Variants in KLRD1 observed in about 807,000 individuals in gnomAD.
The protein encoded by KLRD1 is natural killer cells antigen CD94.
KLRD1 carries 21 observed loss-of-function variants against 22.6 expected under a neutral mutation model. The observed-to-expected ratio is 0.93, with a 90% CI of 0.66 to 1.34. KLRD1 has a LOEUF of 1.34. Among genes scored for constraint, KLRD1 ranks in the 40% most tolerant of loss-of-function variants. The probability of loss-of-function intolerance (pLI) is 0.00; values close to 1 mark genes in which losing one functional copy is unlikely to be tolerated. For synonymous variants in KLRD1, 59 were observed against 71.1 expected (o/e 0.83, Z 0.85); for missense variants, 183 against 208.6 (o/e 0.88, Z 0.76).
upstream of KLRD1, among the ~76,000 whole-genome samples, chr12:10,305,779 G>A (rs554526766): frequency 2.0e-5 from 3 of 152,320 alleles, no homozygotes; most frequent in South Asian, 6.2e-4. Flanking sequence ...GGACATAGGC[G>A]AGGCAATGAT....
intron 1 of KLRD1, among the ~76,000 whole-genome samples, chr12:10,268,998 T>C (rs76448083): frequency 0.068 from 10,308 of 152,192 alleles, 402 homozygotes; most frequent in East Asian, 0.17. Context: ...AGGAATATTG[T>C]CCTAAAATAT....
intron 1 of KLRD1, among the ~76,000 whole-genome samples, chr12:10,239,506 C>T (rs28538114): frequency 6.7e-5 from 6 of 89,362 alleles, no homozygotes; most frequent in East Asian, 3.8e-4. Flanking sequence ...CCTTCCTTCC[C>T]TCCTTCCCTC....
At chr12:10,286,774 G>A (rs1278853914) in intron 1 of KLRD1, among the ~76,000 whole-genome samples, 1 of 139,292 alleles carries the variant, frequency 7.2e-6, no homozygotes, top group Non-Finnish European at 1.5e-5. Flanking sequence ...CTCCCAAAGT[G>A]TTGGAATTAC....
At chr12:10,270,454 A>G (rs1306108080) in intron 1 of KLRD1, among the ~76,000 whole-genome samples, 1 of 152,174 alleles carries the variant, frequency 6.6e-6, no homozygotes, top group East Asian at 1.9e-4. Context: ...CGGTTCAAAA[A>G]GAGAGAAGTT....
At position 10,255,776 on chromosome 12, in the gene KLRD1, C is replaced by T. The variant is rs138414166; in HGVS notation, c.-101+29543C>T. Among the ~76,000 whole-genome samples the T allele has an allele frequency of 2.5e-3, 373 of 152,224 alleles. 1 individual carries two copies. The highest frequency in any genetic ancestry group is 8.6e-3 in the African/African-American group (358 of 41,524). The stretch of plus-strand genomic sequence containing the variant: ...ATATAGTCTGTCCTGAAGAATTCTC[C>T]ATGTGCACTTCAAAAAAATGTATAT... On this transcript the variant is annotated intron_variant, in intron 1 of 5. Coordinates refer to the KLRD1 transcript ENST00000544747.
intron 1 of KLRD1, among the ~76,000 whole-genome samples, chr12:10,242,883 C>T (rs980411433): frequency 3.3e-5 from 5 of 152,128 alleles, no homozygotes; most frequent in Admixed American, 3.3e-4. Flanking sequence ...TGGAAGCAAT[C>T]TAAGTGTTCA....
At chr12:10,254,431 CAA>C (rs71300165) in intron 1 of KLRD1, among the ~76,000 whole-genome samples, 15,723 of 86,114 alleles carry the variant, frequency 0.18, 825 homozygotes, top group Middle Eastern at 0.27. Flanking sequence ...CACTCCGTCT[CAA>C]AAAAAAAAAA....
intron 1 of KLRD1, among the ~76,000 whole-genome samples, chr12:10,293,225 T>A (rs1188557060): frequency 7.8e-6 from 1 of 128,196 alleles, no homozygotes. Context: ...TTTCTTCAAG[T>A]ACTCTTTCTT....
At chr12:10,263,224 A>G (rs1242750509) in intron 1 of KLRD1, among the ~76,000 whole-genome samples, 1 of 152,034 alleles carries the variant, frequency 6.6e-6, no homozygotes, top group Non-Finnish European at 1.5e-5. Flanking sequence ...AAACACCCCC[A>G]AAGCATACCT....
rs1339150823 is a variant in KLRD1, at chr12:10,326,486, G to C, written c.*11693G>C. The C allele has an allele frequency of 6.6e-6, 1 of 152,204 alleles. No homozygotes were observed. The highest frequency in any genetic ancestry group is 1.9e-4 in the East Asian group (1 of 5,192). The allele number at this position is 152,204 out of a possible 1,614,324, so 9.4% of individuals were successfully genotyped here. On this transcript the variant is annotated 3_prime_UTR_variant, in exon 6 of 6. Coordinates refer to ENST00000336164, the MANE Select transcript of KLRD1 (RefSeq NM_002262.5). ...AATCAACATATGTAAAATGAACAGT[G>C]GTTTGGTCTAGAAAGGTGGGACAAT...
At position 10,243,632 on chromosome 12, in the gene KLRD1, A is replaced by C. The variant is rs1273266238; in HGVS notation, c.-101+17399A>C. On this transcript the variant is annotated intron_variant, in intron 1 of 5. Transcript: ENST00000544747. The stretch of plus-strand genomic sequence containing the variant: ...CAAAAAAAAAAAAAAAAAAAAAAAA[A>C]ACCGAAATGAAAGATATGGAACAAT... 4.9e-3 allele frequency among the ~76,000 whole-genome samples: 641 copies of C among 131,586 alleles called. 27 individuals are homozygous for C. The highest frequency in any genetic ancestry group is 7.2e-3 in the Non-Finnish European group (468 of 64,960). The allele number at this position is 131,586 out of a possible 152,430, so 86.3% of individuals were successfully genotyped here.
rs923216027 is a variant in KLRD1 at position 10,317,033 on chromosome 12, G to A, written c.*2240G>A. The A allele has an allele frequency of 4.6e-5, 7 of 151,884 alleles. No individual in the cohort carries two copies. The highest frequency in any genetic ancestry group is 1.0e-4 in the Non-Finnish European group (7 of 68,022). The allele number at this position is 151,884 out of a possible 1,614,324, so 9.4% of individuals were successfully genotyped here. A position where few individuals can be genotyped will look rare whatever the true frequency, so the allele number is the denominator to read the frequency against. On this transcript the variant is annotated 3_prime_UTR_variant, in exon 6 of 6. Transcript: ENST00000336164. ...CCACTTATTAGTAAGAACATGTGGTGTTTGGTTTTCTGTTCCTGTGTTAGT... is the reference window on the plus strand; with the variant it reads ...CCACTTATTAGTAAGAACATGTGGTATTTGGTTTTCTGTTCCTGTGTTAGT...
chr12:10,256,436 TTTTTTTG>T (rs1276294368), intron 1 of KLRD1, among the ~76,000 whole-genome samples: 6 of 112,294 alleles, frequency 5.3e-5, no homozygotes, highest in Non-Finnish European at 1.0e-4. Context: ...TTTTTTTTTT[TTTTTTTG>T]TAGAGACACA....
Position 10,309,627 on chromosome 12 carries a change from T to C in KLRD1, c.102T>C (p.Ser34=). 6.2e-7 allele frequency: 1 copy of C among 1,608,338 alleles called. No homozygotes were observed. Among genetic ancestry groups the C allele is most frequent in the Non-Finnish European group, 8.5e-7 (1 of 1,175,016 alleles). Residue 34 remains serine, a splice_region_variant and synonymous_variant, in exon 3 of 6, where the codon TCT becomes TCC. Transcript: ENST00000336164. ...CAAATTTCTAATCATTTCTTATAGC[T>C]TTTACTAAACTGAGTATTGAGCCAG... ...MSTLGILLKN[S]FTKLSIEPAF...
chr12:10,258,004 G>C (rs903230767), intron 1 of KLRD1, among the ~76,000 whole-genome samples: 2 of 152,022 alleles, frequency 1.3e-5, no homozygotes, highest in Non-Finnish European at 2.9e-5. Context: ...CATACATGTG[G>C]CTACTTTTGA....
chr12:10,302,147 C>T (rs558372347), upstream of KLRD1, among the ~76,000 whole-genome samples: 18 of 151,922 alleles, frequency 1.2e-4, no homozygotes, highest in Non-Finnish European at 2.2e-4. Flanking sequence ...CAAAATGTGA[C>T]GGAGAGACAT....
intron 1 of KLRD1, chr12:10,308,732 T>G (rs977439153): frequency 6.5e-6 from 1 of 153,344 alleles, no homozygotes; most frequent in African/African-American, 2.4e-5. Context: ...TCCAGAATGT[T>G]CCTATGTCTT....
At chr12:10,291,275 T>C (rs1339139116) in intron 1 of KLRD1, among the ~76,000 whole-genome samples, 1 of 152,120 alleles carries the variant, frequency 6.6e-6, no homozygotes, top group Non-Finnish European at 1.5e-5. Flanking sequence ...AAGGCTGGGG[T>C]GACAGTGGCA....
intron 1 of KLRD1, among the ~76,000 whole-genome samples, chr12:10,276,278 A>G (rs1949591409): frequency 6.6e-6 from 1 of 152,098 alleles, no homozygotes; most frequent in South Asian, 2.1e-4. Context: ...ATCTATATTT[A>G]AAATTATAAT....
Sources: gnomAD v4.1 joint callset for allele counts (sites outside exome capture counted in the v4.1 genomes callset) on GRCh38, gnomAD v4.1.1 for gene constraint, MANE v1.5 for transcripts, NCBI Gene and HGNC (gene_info 2026-07-23, HGNC 2026-07-21) for gene names.